Variants in PTPN5 observed in about 807,000 individuals in gnomAD.
PTPN5 encodes the protein tyrosine-protein phosphatase non-receptor type 5.
Under a neutral mutation model 73.9 loss-of-function variants are expected in PTPN5, and 29 were observed. That is an observed-to-expected ratio of 0.39 (90% CI 0.29 to 0.54). The LOEUF is 0.54. PTPN5 is among the 20% of genes least tolerant of loss of function. The pLI is 0.65. For synonymous variants in PTPN5, 267 were observed against 304.7 expected (o/e 0.88, Z 1.29); for missense variants, 652 against 751.4 (o/e 0.87, Z 1.55).
chr11:18,761,770 G>A (rs910269940), intron 3 of PTPN5, among the ~76,000 whole-genome samples: 1 of 152,140 alleles, frequency 6.6e-6, no homozygotes, highest in Non-Finnish European at 1.5e-5. Flanking sequence ...CACCTAAGGA[G>A]GGAATGAGAG....
rs1182402335 is a variant in PTPN5 at position 18,747,173 on chromosome 11, CAG to C, written c.98-2976_98-2975del. ...CTGCATTTTTTTTTTTTTTTTGAGA[CAG>C]AGTCTTGCTCTGTCACCCAGGCTGG... On this transcript the variant is annotated intron_variant, in intron 3 of 14. Transcript: ENST00000358540. Among the ~76,000 whole-genome samples, 48 of 148,512 alleles carry C rather than the reference CAG, an allele frequency of 3.2e-4. 1 individual carries two copies. Among genetic ancestry groups the C allele is most frequent in the African/African-American group, 7.5e-5 (3 of 39,922 alleles).
intron 1 of PTPN5, among the ~76,000 whole-genome samples, chr11:18,772,646 C>T (rs1850956607): frequency 6.6e-6 from 1 of 152,170 alleles, no homozygotes; most frequent in Admixed American, 6.5e-5. Flanking sequence ...ATGAAAAGTG[C>T]AGGGTAGGCC....
At chr11:18,754,567 C>G (rs1395710883) in intron 3 of PTPN5, among the ~76,000 whole-genome samples, 1 of 152,178 alleles carries the variant, frequency 6.6e-6, no homozygotes, top group Non-Finnish European at 1.5e-5. Flanking sequence ...AACCAATCAA[C>G]CCAAAGGGTG....
At chr11:18,791,245 A>G (rs113486359) in intron 1 of PTPN5, among the ~76,000 whole-genome samples, 35 of 152,120 alleles carry the variant, frequency 2.3e-4, no homozygotes, top group African/African-American at 8.2e-4. Context: ...ACCCCAAACC[A>G]CTATCCCGAT....
In PTPN5 at chr11:18,735,224, C is replaced by T. The variant is rs574635235; in HGVS notation, c.1001-1589G>A. 3.4e-4 allele frequency among the ~76,000 whole-genome samples: 51 copies of T among 152,216 alleles called. 1 individual carries two copies. Among genetic ancestry groups the T allele is most frequent in the Admixed American group, 3.1e-3 (48 of 15,294 alleles). ...TTGGGGAGGTAAAGGGCACAAGCTT[C>T]GCCTCTTTAGCCCAACCCCAATGTC... On this transcript the variant is annotated intron_variant, in intron 9 of 14. Coordinates refer to ENST00000358540, the MANE Select transcript of PTPN5 (RefSeq NM_006906.2).
intron 12 of PTPN5, among the ~76,000 whole-genome samples, chr11:18,732,379 G>GT (rs1183477723): frequency 6.6e-6 from 1 of 152,220 alleles, no homozygotes; most frequent in East Asian, 1.9e-4. Context: ...AGCATGAAAT[G>GT]TAACTGAGGA....
At chr11:18,744,955 C>T (rs1232270625) in intron 3 of PTPN5, among the ~76,000 whole-genome samples, 1 of 152,208 alleles carries the variant, frequency 6.6e-6, no homozygotes, top group Non-Finnish European at 1.5e-5. Context: ...GGCTGAGGCC[C>T]TATGTCTGCC....
chr11:18,776,036 A>G (rs1340755143), intron 1 of PTPN5, among the ~76,000 whole-genome samples: 1 of 152,128 alleles, frequency 6.6e-6, no homozygotes, highest in Non-Finnish European at 1.5e-5. Context: ...CAAAAGATAG[A>G]AAGGCAGGAT....
Position 18,742,192 on chromosome 11 carries a change from A to G in PTPN5, c.725+70T>C. On this transcript the variant is annotated intron_variant, in intron 7 of 14. Transcript: ENST00000358540. This position sits in a 1 kb window ranked among gnomAD's most constrained non-coding sequence, Gnocchi z 4.1. The stretch of plus-strand genomic sequence containing the variant: ...TGGGCACCAGGAGTCAGAGTCAGGC[A>G]TCCACTCTTCTGATCAGGAGCTAAG... 6.3e-7 allele frequency: 1 copy of G among 1,589,946 alleles called. No individual in the cohort carries two copies. The highest frequency in any genetic ancestry group is 8.6e-7 in the Non-Finnish European group (1 of 1,166,044).
At position 18,729,721 on chromosome 11, in the gene PTPN5, C is replaced by A; in HGVS notation, c.1427G>T (p.Arg476Leu). 2 of 1,595,446 alleles carry A rather than the reference C, an allele frequency of 1.3e-6. No individual in the cohort carries two copies. Among genetic ancestry groups the A allele is most frequent in the Non-Finnish European group, 1.7e-6 (2 of 1,167,830 alleles). ...CTGCTGGGCTGCCTCCTCCACCTCC[C>A]GCACCAGGTGCAGGAGTGGGGGGGC... is the stretch of plus-strand genomic sequence containing the variant. ...DRAPPLLHLV[R>L]EVEEAAQQEG... The change falls in exon 13 of 15, where the codon CGG (arginine) becomes CTG (leucine). Residue 476 changes from arginine (R) to leucine (L), a missense_variant. Around this residue, in one of 3 missense-constraint regions of PTPN5, gnomAD observed 102 missense variants for 160.5 expected, o/e 0.64. Transcript: ENST00000358540. The surrounding 1 kb of genome is among the most constrained non-coding windows in gnomAD (Gnocchi z 5.2).
At chr11:18,741,013 G>T (rs1849341829) in intron 7 of PTPN5, among the ~76,000 whole-genome samples, 1 of 152,150 alleles carries the variant, frequency 6.6e-6, no homozygotes, top group African/African-American at 2.4e-5. Context: ...CTGCAGTGGA[G>T]ATGTTAACTT....
chr11:18,755,669 G>C (rs1274866476), intron 3 of PTPN5, among the ~76,000 whole-genome samples: 1 of 152,052 alleles, frequency 6.6e-6, no homozygotes, highest in Non-Finnish European at 1.5e-5. Flanking sequence ...TAAGGGGTTT[G>C]CCTCAAGCTA....
chr11:18,750,809 G>A (rs1227836947), intron 3 of PTPN5, among the ~76,000 whole-genome samples: 1 of 152,352 alleles, frequency 6.6e-6, no homozygotes, highest in East Asian at 1.9e-4. Context: ...GAGGCACAGA[G>A]AGGTTAAGTG....
chr11:18,769,743 G>C (rs1850793403), intron 2 of PTPN5, among the ~76,000 whole-genome samples: 1 of 152,158 alleles, frequency 6.6e-6, no homozygotes, highest in Non-Finnish European at 1.5e-5. Context: ...GTGAATGGGG[G>C]GTTGGGAAAA....
intron 1 of PTPN5, among the ~76,000 whole-genome samples, chr11:18,789,335 G>T (rs1851809708): frequency 6.6e-6 from 1 of 152,124 alleles, no homozygotes; most frequent in African/African-American, 2.4e-5. Flanking sequence ...CCGCCAAATA[G>T]TTCATAACAT....
intron 3 of PTPN5, among the ~76,000 whole-genome samples, chr11:18,748,069 T>G (rs1590532764): frequency 6.6e-6 from 1 of 152,334 alleles, no homozygotes; most frequent in East Asian, 1.9e-4. Flanking sequence ...CACATGTATT[T>G]CTAGTGAGAA....
At position 18,733,721 on chromosome 11, in the gene PTPN5, A is replaced by G. The variant is rs988561268; in HGVS notation, c.1001-86T>C. ...CTCTGGCCTATTCCAGCATACCCAC[A>G]CTTCTTCTGCGACATTAGCAGTTCT... On this transcript the variant is annotated intron_variant, in intron 9 of 14. Transcript: ENST00000358540. The surrounding 1 kb of genome is among the most constrained non-coding windows in gnomAD (Gnocchi z 4.3). 2 of 1,155,010 alleles carry G rather than the reference A, an allele frequency of 1.7e-6. No homozygotes were observed. The highest frequency in any genetic ancestry group is 1.2e-5 in the South Asian group (1 of 80,032). 71.5% of individuals were successfully genotyped at this position (1,155,010 alleles called of 1,614,324 possible). A position where few individuals can be genotyped will look rare whatever the true frequency, so the allele number is the denominator to read the frequency against.
intron 3 of PTPN5, among the ~76,000 whole-genome samples, chr11:18,750,909 T>A (rs972843826): frequency 2.0e-5 from 3 of 152,092 alleles, no homozygotes; most frequent in African/African-American, 7.2e-5. Flanking sequence ...TTTCTCTTAC[T>A]CCACAGAAAG....
chr11:18,753,883 AAC>A (rs1357010314), intron 3 of PTPN5, among the ~76,000 whole-genome samples: 1 of 152,190 alleles, frequency 6.6e-6, no homozygotes, highest in Non-Finnish European at 1.5e-5. Context: ...GGAACTCAGA[AAC>A]ACAGTGTTGA....
Sources: allele counts gnomAD v4.1 joint callset (sites outside exome capture counted in the v4.1 genomes callset), GRCh38; gene constraint gnomAD v4.1.1; regional missense constraint gnomAD v4.1.1; non-coding constraint Gnocchi (gnomAD v3.1); transcripts MANE v1.5; gene names NCBI Gene and HGNC (gene_info 2026-07-23, HGNC 2026-07-21).